Variants in FOXO1 observed in about 807,000 individuals in gnomAD.
FOXO1 encodes the protein forkhead box protein O1.
A neutral mutation model predicts 44.1 loss-of-function variants in FOXO1; 6 were observed. The ratio of observed to expected loss-of-function variants is 0.14; its 90% CI spans 0.07 to 0.27. The LOEUF (loss-of-function observed/expected upper bound fraction) is 0.27, where lower values mean the gene tolerates loss of function less well. FOXO1 is among the 10% of genes least tolerant of loss of function. The pLI is 1.00. For missense variants in FOXO1, 737 were observed against 888.8 expected (o/e 0.83, Z 2.17); for synonymous variants, 380 against 362.7 (o/e 1.05, Z -0.54).
intron 1 of FOXO1, among the ~76,000 whole-genome samples, chr13:40,638,906 C>A (rs1877254571): frequency 1.3e-5 from 2 of 152,004 alleles, no homozygotes; most frequent in South Asian, 4.2e-4. Flanking sequence ...CCAGAACAGT[C>A]ACTAAGGCCA....
intron 1 of FOXO1, among the ~76,000 whole-genome samples, chr13:40,660,538 A>AC (rs1191575428): frequency 6.6e-6 from 1 of 152,230 alleles, no homozygotes; most frequent in Non-Finnish European, 1.5e-5. Flanking sequence ...GGCTAGAAGC[A>AC]CAAGGACAGG....
At chr13:40,639,153 A>G (rs907663006) in intron 1 of FOXO1, among the ~76,000 whole-genome samples, 1 of 151,970 alleles carries the variant, frequency 6.6e-6, no homozygotes, top group Non-Finnish European at 1.5e-5. Context: ...GAGATCAGAT[A>G]GTGCCACTGC....
intron 1 of FOXO1, among the ~76,000 whole-genome samples, chr13:40,590,035 C>G (rs983200761): frequency 1.3e-5 from 2 of 152,198 alleles, no homozygotes; most frequent in Admixed American, 1.3e-4. Context: ...CAAGTTTGTA[C>G]GATGGGAGCC....
In FOXO1 at chr13:40,556,121, C is replaced by T. The variant is rs1318656455; in HGVS notation, c.*2928G>A. The T allele has an allele frequency of 6.6e-6, 1 of 152,204 alleles. No individual in the cohort carries two copies. Among genetic ancestry groups the T allele is most frequent in the Non-Finnish European group, 1.5e-5 (1 of 68,030 alleles). 9.4% of individuals were successfully genotyped at this position (152,204 alleles called of 1,614,324 possible). Reference sequence around the variant, plus strand: ...TAAAATTAGTTATAAATTAAGAACTCTTAGGAGCTTGAATGTAAGAATTTT... The same window carrying T: ...TAAAATTAGTTATAAATTAAGAACTTTTAGGAGCTTGAATGTAAGAATTTT... On this transcript the variant is annotated 3_prime_UTR_variant, in exon 3 of 3. Coordinates refer to ENST00000379561, the MANE Select transcript of FOXO1 (RefSeq NM_002015.4).
At position 40,557,692 on chromosome 13, in the gene FOXO1, T is replaced by C. The variant is rs1297948821; in HGVS notation, c.*1357A>G. 1 of 152,136 alleles carries C rather than the reference T, an allele frequency of 6.6e-6. No individual in the cohort carries two copies. The highest frequency in any genetic ancestry group is 1.5e-5 in the Non-Finnish European group (1 of 68,024). 9.4% of individuals were successfully genotyped at this position (152,136 alleles called of 1,614,324 possible). A position where few individuals can be genotyped will look rare whatever the true frequency, so the allele number is the denominator to read the frequency against. ...TCAAGGCAGAACTACAAAACCAACC[T>C]CCACCTGGACTGAAACAAGAGCAAA... On this transcript the variant is annotated 3_prime_UTR_variant, in exon 3 of 3. Transcript: ENST00000379561.
At position 40,557,899 on chromosome 13, in the gene FOXO1, T is replaced by C. The variant is rs1873819035; in HGVS notation, c.*1150A>G. ...AAGACTTGATGCTATGCAGTACGCA[T>C]AGTTCAGTAGAAGCAGATGAAATTT... On this transcript the variant is annotated 3_prime_UTR_variant, in exon 3 of 3. Transcript: ENST00000379561. 1 of 152,224 alleles carries C rather than the reference T, an allele frequency of 6.6e-6. No individual in the cohort carries two copies. The highest frequency in any genetic ancestry group is 6.5e-5 in the Admixed American group (1 of 15,276). The allele number at this position is 152,224 out of a possible 1,614,324, so 9.4% of individuals were successfully genotyped here. A position where few individuals can be genotyped will look rare whatever the true frequency, so the allele number is the denominator to read the frequency against.
intron 1 of FOXO1, among the ~76,000 whole-genome samples, chr13:40,646,389 G>T (rs1317187550): frequency 1.3e-5 from 2 of 150,652 alleles, no homozygotes; most frequent in Admixed American, 1.3e-4. Context: ...CACCATATTG[G>T]CCAGGCTGGT....
chr13:40,617,327 C>T (rs1367677418), intron 1 of FOXO1, among the ~76,000 whole-genome samples: 1 of 152,158 alleles, frequency 6.6e-6, no homozygotes, highest in Non-Finnish European at 1.5e-5. Flanking sequence ...TGCCTGTAAT[C>T]CCAGCTACCT....
At chr13:40,659,259 G>A (rs1223750030) in intron 1 of FOXO1, among the ~76,000 whole-genome samples, 2 of 149,744 alleles carry the variant, frequency 1.3e-5, no homozygotes, top group African/African-American at 5.0e-5. Flanking sequence ...AGGTTGCAGG[G>A]GGCTGAGATC....
chr13:40,652,950 T>C (rs1178866837), intron 1 of FOXO1, among the ~76,000 whole-genome samples: 1 of 150,972 alleles, frequency 6.6e-6, no homozygotes, highest in Non-Finnish European at 1.5e-5. Flanking sequence ...CAAACTAAAT[T>C]TGAAATCTAA....
intron 1 of FOXO1, among the ~76,000 whole-genome samples, chr13:40,603,739 T>C (rs1216098051): frequency 6.6e-6 from 1 of 152,236 alleles, no homozygotes; most frequent in Non-Finnish European, 1.5e-5. Context: ...CTGCAACTAA[T>C]TTATCAGCAG....
intron 1 of FOXO1, among the ~76,000 whole-genome samples, chr13:40,665,144 C>A (rs1427220831): frequency 6.6e-6 from 1 of 151,846 alleles, no homozygotes; most frequent in Non-Finnish European, 1.5e-5. Flanking sequence ...CGCCCTCCCC[C>A]GCCGCGCCCG....
intron 1 of FOXO1, among the ~76,000 whole-genome samples, chr13:40,665,101 C>A (rs539802076): frequency 6.6e-6 from 1 of 151,808 alleles, no homozygotes; most frequent in Non-Finnish European, 1.5e-5. Flanking sequence ...GCAGCCCGGT[C>A]CCGGGGCAGC....
intron 1 of FOXO1, among the ~76,000 whole-genome samples, chr13:40,633,824 A>T (rs1198164742): frequency 6.6e-6 from 1 of 152,242 alleles, no homozygotes; most frequent in East Asian, 1.9e-4. Context: ...TAAAAGATAC[A>T]TAGTCACAGT....
rs2137821490 is a variant in FOXO1, at chr13:40,559,783, T to C, written c.1708A>G (p.Met570Val). ...TAGCCCCCCAGGGCACTCATCTGCA[T>C]GGGGTGGGGCAGAGGCACTTGTACA... ...TPVQVPLPHP[M>V]QMSALGGYSS... is the part of the protein sequence containing the mutation. The change falls in exon 2 of 3, where the codon ATG becomes GTG. Residue 570 changes from methionine (M) to valine (V), a missense_variant. Physicochemically the swap from Met to Val is conservative, Grantham distance 21. This residue lies in a region of FOXO1 where 283 missense variants were observed against 278.1 expected (regional missense o/e 1.02). Transcript: ENST00000379561. 2 of 1,613,544 alleles carry C rather than the reference T, an allele frequency of 1.2e-6. No individual in the cohort carries two copies.
At chr13:40,573,132 C>T (rs1874606585) in intron 1 of FOXO1, among the ~76,000 whole-genome samples, 2 of 152,292 alleles carry the variant, frequency 1.3e-5, no homozygotes, top group South Asian at 4.1e-4. Flanking sequence ...GCCAAATTTC[C>T]ACCCCAGTGG....
chr13:40,627,455 T>C (rs1287462281), intron 1 of FOXO1, among the ~76,000 whole-genome samples: 1 of 152,138 alleles, frequency 6.6e-6, no homozygotes, highest in Non-Finnish European at 1.5e-5. Flanking sequence ...GGATTCTGTA[T>C]GAGGAGAAAA....
intron 1 of FOXO1, among the ~76,000 whole-genome samples, chr13:40,598,424 A>T (rs1875679198): frequency 6.6e-6 from 1 of 152,158 alleles, no homozygotes; most frequent in Admixed American, 6.5e-5. Context: ...TTTCTGATAT[A>T]TTATTTGCAA....
At chr13:40,642,510 A>G (rs998026501) in intron 1 of FOXO1, among the ~76,000 whole-genome samples, 1 of 152,230 alleles carries the variant, frequency 6.6e-6, no homozygotes, top group Non-Finnish European at 1.5e-5. Context: ...TGACAGATAT[A>G]AGCTTGGCAA....
Sources: allele counts gnomAD v4.1 joint callset (sites outside exome capture counted in the v4.1 genomes callset), GRCh38; gene constraint gnomAD v4.1.1; regional missense constraint gnomAD v4.1.1; transcripts MANE v1.5; gene names NCBI Gene and HGNC (gene_info 2026-07-23, HGNC 2026-07-21).